SUFU: variants seen among roughly 807,000 people sequenced by gnomAD.
SUFU encodes the protein SUFU negative regulator of hedgehog signaling.
In SUFU, 7 loss-of-function variants were observed where a neutral mutation model predicts 58.9. The observed-to-expected ratio is 0.12, with a 90% CI of 0.07 to 0.22. SUFU has a LOEUF of 0.22. SUFU is among the 10% of genes least tolerant of loss of function. The probability of loss-of-function intolerance (pLI) is 1.00; values close to 1 mark genes in which losing one functional copy is unlikely to be tolerated. For missense variants in SUFU, 451 were observed against 641.3 expected (o/e 0.70, Z 3.20); for synonymous variants, 232 against 254.8 (o/e 0.91, Z 0.85).
intron 3 of SUFU, among the ~76,000 whole-genome samples, chr10:102,553,688 C>T (rs1454424462): frequency 7.2e-5 from 11 of 152,166 alleles, no homozygotes; most frequent in Non-Finnish European, 8.8e-5. Flanking sequence ...TGGTCTCCAT[C>T]TCCTGACCTC....
Position 102,542,446 on chromosome 10 carries a change from T to TATA in SUFU, c.318-7524_318-7523insATA, listed in dbSNP as rs1564673286. On this transcript the variant is annotated intron_variant, in intron 2 of 11. Transcript: ENST00000369902. ...GCGCCCGGCCTATATATATATATAT[T>TATA]TTTTTTTAAGTAGAGATGGGGTTTC... Among the ~76,000 whole-genome samples, 462 of 138,966 alleles carry TATA rather than the reference T, an allele frequency of 3.3e-3. 2 individuals are homozygous for TATA. The highest frequency in any genetic ancestry group is 9.2e-3 in the Admixed American group (132 of 14,284). The allele number at this position is 138,966 out of a possible 152,430, so 91.2% of individuals were successfully genotyped here. A position where few individuals can be genotyped will look rare whatever the true frequency, so the allele number is the denominator to read the frequency against.
intron 2 of SUFU, among the ~76,000 whole-genome samples, chr10:102,513,132 C>T (rs936459132): frequency 2.0e-5 from 3 of 152,000 alleles, no homozygotes; most frequent in African/African-American, 7.2e-5. Flanking sequence ...TGGCTTTGTA[C>T]TGGGATGACT....
chr10:102,589,973 T>TA (rs985676086), intron 3 of SUFU, among the ~76,000 whole-genome samples: 2 of 152,092 alleles, frequency 1.3e-5, no homozygotes, highest in African/African-American at 4.8e-5. Context: ...TTTTTTTTTT[T>TA]ATCATGAAAA....
intron 3 of SUFU, among the ~76,000 whole-genome samples, chr10:102,556,414 A>G (rs1315809915): frequency 6.6e-6 from 1 of 152,210 alleles, no homozygotes; most frequent in Non-Finnish European, 1.5e-5. Context: ...CTAGATATAG[A>G]CAGATTAGGG....
At chr10:102,573,365 C>A (rs758251573) in intron 3 of SUFU, 4 of 397,784 alleles carry the variant, frequency 1.0e-5, no homozygotes, top group African/African-American at 2.1e-5. Context: ...AAGAAATTGG[C>A]ACCCTTGTAC....
chr10:102,528,458 C>G (rs924441617), intron 2 of SUFU, among the ~76,000 whole-genome samples: 1 of 152,008 alleles, frequency 6.6e-6, no homozygotes, highest in African/African-American at 2.4e-5. Context: ...GTAGTCTCAG[C>G]TACTCAGTGG....
At position 102,619,710 on chromosome 10, in the gene SUFU, C is replaced by T. The variant is rs1483040214; in HGVS notation, c.1296+2282C>T. 2.0e-5 allele frequency among the ~76,000 whole-genome samples: 3 copies of T among 152,216 alleles called. No individual in the cohort carries two copies. Among genetic ancestry groups the T allele is most frequent in the African/African-American group, 7.2e-5 (3 of 41,450 alleles). On this transcript the variant is annotated intron_variant, in intron 10 of 11. Coordinates refer to ENST00000369902, the MANE Select transcript of SUFU (RefSeq NM_016169.4). The surrounding 1 kb of genome is among the most constrained non-coding windows in gnomAD (Gnocchi z 4.2). Reference sequence around the variant, plus strand: ...CTGCCAGGCAGTCAGCACTTTCTCCCTCTGACTGCCAGCCAGCCGCCCCTG... The same window carrying T: ...CTGCCAGGCAGTCAGCACTTTCTCCTTCTGACTGCCAGCCAGCCGCCCCTG...
At chr10:102,509,410 C>T in intron 2 of SUFU, 107 bp downstream of exon 2, 1 of 1,485,014 alleles carries the variant, frequency 6.7e-7, no homozygotes, top group Non-Finnish European at 9.3e-7. Flanking sequence ...TCCGTGGAAC[C>T]TCTGCATTTC....
chr10:102,621,788 A>G (rs1442564089), intron 10 of SUFU, among the ~76,000 whole-genome samples: 1 of 152,230 alleles, frequency 6.6e-6, no homozygotes, highest in Non-Finnish European at 1.5e-5. Context: ...AGAACAAACA[A>G]TGCCCTGGAC....
chr10:102,602,069 C>G (rs1169741769), intron 8 of SUFU, among the ~76,000 whole-genome samples: 1 of 152,242 alleles, frequency 6.6e-6, no homozygotes, highest in Non-Finnish European at 1.5e-5. Flanking sequence ...GCTCTTTTCA[C>G]ACTTCAGCAG....
chr10:102,607,209 T>C (rs1298185959), intron 8 of SUFU, among the ~76,000 whole-genome samples: 2 of 152,020 alleles, frequency 1.3e-5, no homozygotes, highest in Non-Finnish European at 2.9e-5. Context: ...CCACCATGCC[T>C]GGCTAATTTT....
chr10:102,573,145 T>C, intron 3 of SUFU: 1 of 774,864 alleles, frequency 1.3e-6, no homozygotes, highest in Admixed American at 1.7e-5. Flanking sequence ...CTTTCAACAC[T>C]GCCTTCTTGG....
At position 102,579,242 on chromosome 10, in the gene SUFU, G is replaced by C. The variant is rs537783832; in HGVS notation, c.455-13340G>C. Among the ~76,000 whole-genome samples, 314 of 152,294 alleles carry C rather than the reference G, an allele frequency of 2.1e-3. 2 individuals carry two copies. Among genetic ancestry groups the C allele is most frequent in the African/African-American group, 6.9e-3 (288 of 41,562 alleles). ...GCAGTCAGGGTCCTCACCCTCATTG[G>C]GGGGAGAATGAGGCTGTCTGCTGTG... On this transcript the variant is annotated intron_variant, in intron 3 of 11. Transcript: ENST00000369902.
At chr10:102,597,426 C>G in intron 7 of SUFU, 133 bp downstream of exon 7, 1 of 1,226,922 alleles carries the variant, frequency 8.2e-7, no homozygotes, top group Non-Finnish European at 1.1e-6. Context: ...ATGATTTAAA[C>G]AGCAAGTGAA....
At chr10:102,576,682 A>G (rs1196995367) in intron 3 of SUFU, among the ~76,000 whole-genome samples, 2 of 152,180 alleles carry the variant, frequency 1.3e-5, no homozygotes, top group African/African-American at 2.4e-5. Context: ...TGACCATACT[A>G]GTTTATAGGT....
At chr10:102,540,517 G>A (rs1590008653) in intron 2 of SUFU, among the ~76,000 whole-genome samples, 1 of 151,278 alleles carries the variant, frequency 6.6e-6, no homozygotes, top group Admixed American at 6.6e-5. Flanking sequence ...CAGGTGTGTT[G>A]GTGCACACCT....
At chr10:102,560,627 G>C (rs1564681279) in intron 3 of SUFU, among the ~76,000 whole-genome samples, 1 of 152,078 alleles carries the variant, frequency 6.6e-6, no homozygotes, top group Non-Finnish European at 1.5e-5. Context: ...TTTTCATACT[G>C]TTTTTCACCT....
chr10:102,599,859 G>A (rs1440002685), intron 8 of SUFU, among the ~76,000 whole-genome samples: 1 of 152,236 alleles, frequency 6.6e-6, no homozygotes, highest in Non-Finnish European at 1.5e-5. Context: ...AGCCCATTGT[G>A]CTGAGCACGG....
chr10:102,535,305 A>T (rs1393316992), intron 2 of SUFU, among the ~76,000 whole-genome samples: 1 of 151,928 alleles, frequency 6.6e-6, no homozygotes, highest in Non-Finnish European at 1.5e-5. Context: ...GCCAACATGG[A>T]GAAACCTCGT....
Sources: allele counts gnomAD v4.1 joint callset (sites outside exome capture counted in the v4.1 genomes callset), GRCh38; gene constraint gnomAD v4.1.1; non-coding constraint Gnocchi (gnomAD v3.1); transcripts MANE v1.5; gene names NCBI Gene and HGNC (gene_info 2026-07-23, HGNC 2026-07-21).